Variants in NETO1 observed in about 807,000 individuals in gnomAD.
NETO1 encodes the protein neuropilin and tolloid like 1.
Under a neutral mutation model 61.3 loss-of-function variants are expected in NETO1, and 26 were observed. That is an observed-to-expected ratio of 0.42 (90% CI 0.31 to 0.59). The LOEUF (loss-of-function observed/expected upper bound fraction) is 0.59, where lower values mean the gene tolerates loss of function less well. Ranked by LOEUF, NETO1 falls within the 20% of genes least tolerant of loss-of-function variation. The probability of loss-of-function intolerance (pLI) is 0.12; values close to 1 mark genes in which losing one functional copy is unlikely to be tolerated. For synonymous variants in NETO1, 225 were observed against 225.8 expected (o/e 1.00, Z 0.03); for missense variants, 531 against 662.8 (o/e 0.80, Z 2.18).
At chr18:72,841,756 A>AAAAAAAAAAAAC (rs1568249501) in intron 4 of NETO1, among the ~76,000 whole-genome samples, 2 of 150,432 alleles carry the variant, frequency 1.3e-5, no homozygotes, top group Non-Finnish European at 1.5e-5. Context: ...AAAAAAAAAA[A>AAAAAAAAAAAAC]AGTCACTTTA....
chr18:72,808,227 T>C (rs1216385409), intron 4 of NETO1, among the ~76,000 whole-genome samples: 2 of 152,210 alleles, frequency 1.3e-5, no homozygotes, highest in East Asian at 1.9e-4. Flanking sequence ...AGGCAGGTGA[T>C]ATTAGACTGG....
Position 72,867,336 on chromosome 18 carries a change from T to C in NETO1, c.-45A>G. The C allele has an allele frequency of 6.5e-7, 1 of 1,534,490 alleles. No individual in the cohort carries two copies. Reference sequence around the variant, plus strand: ...GGCTCCGGGCTCCACTAATTCCATTTAGAGACGGGAAGACTTCCAGTGGCG... The same window carrying C: ...GGCTCCGGGCTCCACTAATTCCATTCAGAGACGGGAAGACTTCCAGTGGCG... On this transcript the variant is annotated 5_prime_UTR_variant, in exon 1 of 11. Coordinates refer to ENST00000327305, the MANE Select transcript of NETO1 (RefSeq NM_138966.5).
intron 4 of NETO1, among the ~76,000 whole-genome samples, chr18:72,795,194 T>A (rs1463003466): frequency 6.6e-6 from 1 of 152,176 alleles, no homozygotes; most frequent in African/African-American, 2.4e-5. Context: ...GTTCCTGGAA[T>A]TGATTTTGAG....
At position 72,867,776 on chromosome 18, in the gene NETO1, GGGCGGCGGCGGCGGCGCC is replaced by G. The variant is rs1464643739; in HGVS notation, c.-503_-486del. 115 of 157,338 alleles carry G rather than the reference GGGCGGCGGCGGCGGCGCC, an allele frequency of 7.3e-4. No individual in the cohort carries two copies. The highest frequency in any genetic ancestry group is 2.5e-3 in the African/African-American group (104 of 40,846). 9.7% of individuals were successfully genotyped at this position (157,338 alleles called of 1,614,324 possible). ...TCCAGACCGACGGCAGCGACGGAGC[GGGCGGCGGCGGCGGCGCC>G]GGCGGCGGCGGGGTGGCTCAGTCCC... On this transcript the variant is annotated 5_prime_UTR_variant, in exon 1 of 11. Transcript: ENST00000327305.
Position 72,859,046 on chromosome 18 carries a change from G to A in NETO1, c.249C>T (p.Tyr83=). ...EAAPRQCIEL[Y]FDEKYSIEPS... is the part of the protein sequence containing the mutation. ...GTTCAATAGAGTACTTTTCATCAAA[G>A]TAAAGTTCAATGCACTGTCTTGGAG... The change falls in exon 4 of 11, where the codon TAC becomes TAT. Residue 83 remains tyrosine (Y), a synonymous_variant. Transcript: ENST00000327305. The A allele has an allele frequency of 6.2e-7, 1 of 1,613,236 alleles. No homozygotes were observed.
At position 72,808,419 on chromosome 18, in the gene NETO1, T is replaced by TTGTGTGTGTGTGTGTGTGTGTG. The variant is rs368047239; in HGVS notation, c.470-14037_470-14016dup. On this transcript the variant is annotated intron_variant, in intron 4 of 10. Transcript: ENST00000327305. Reference sequence around the variant, plus strand: ...TGGAAGCAGTGGTGGCACTGCAGATTTGTGTGTGTGTGTGTGTGTGTGTGT... The same window carrying TTGTGTGTGTGTGTGTGTGTGTG: ...TGGAAGCAGTGGTGGCACTGCAGATTTGTGTGTGTGTGTGTGTGTGTGTGTGTGTGTGTGTGTGTGTGTGTGT... Among the ~76,000 whole-genome samples the TTGTGTGTGTGTGTGTGTGTGTG allele has an allele frequency of 6.3e-5, 9 of 141,834 alleles. No homozygotes were observed. The East Asian group carries it at 8.5e-4, about 13-fold the overall frequency. 93.0% of individuals were successfully genotyped at this position (141,834 alleles called of 152,430 possible). A position where few individuals can be genotyped will look rare whatever the true frequency, so the allele number is the denominator to read the frequency against.
chr18:72,804,888 T>G (rs891120728), intron 4 of NETO1, among the ~76,000 whole-genome samples: 1 of 152,218 alleles, frequency 6.6e-6, no homozygotes, highest in African/African-American at 2.4e-5. Flanking sequence ...ATCCTTAATA[T>G]TCTCCTTTTT....
At chr18:72,777,187 G>T (rs562873985) in intron 7 of NETO1, among the ~76,000 whole-genome samples, 4 of 152,192 alleles carry the variant, frequency 2.6e-5, no homozygotes, top group Non-Finnish European at 1.5e-5. Flanking sequence ...GGAGGCCGAG[G>T]CATGTGGATC....
chr18:72,818,359 A>C (rs928373762), intron 4 of NETO1, among the ~76,000 whole-genome samples: 5 of 152,208 alleles, frequency 3.3e-5, no homozygotes, highest in Non-Finnish European at 5.9e-5. Flanking sequence ...TATCACATAA[A>C]ACAGATTCTG....
At position 72,746,835 on chromosome 18, in the gene NETO1, AT is replaced by A. The variant is rs922635969; in HGVS notation, c.*1343del. 6.6e-6 allele frequency among the ~76,000 whole-genome samples: 1 copy of A among 152,052 alleles called. No homozygotes were observed. The highest frequency in any genetic ancestry group is 6.6e-5 in the Admixed American group (1 of 15,242). On this transcript the variant is annotated 3_prime_UTR_variant, in exon 11 of 11. Transcript: ENST00000327305. The stretch of plus-strand genomic sequence containing the variant: ...GATTACACATTGAATATTTTAAAAA[AT>A]AACCACTCACCAAATCAAACTTTAC...
intron 4 of NETO1, among the ~76,000 whole-genome samples, chr18:72,818,638 A>G (rs1356357114): frequency 6.6e-6 from 1 of 152,202 alleles, no homozygotes; most frequent in Admixed American, 6.5e-5. Flanking sequence ...CAAGCACGAG[A>G]CATTTTCATC....
chr18:72,798,273 C>A (rs115389986), intron 4 of NETO1, among the ~76,000 whole-genome samples: 1 of 152,090 alleles, frequency 6.6e-6, no homozygotes, highest in African/African-American at 2.4e-5. Flanking sequence ...AACCCTATTG[C>A]GAACTGTGCA....
intron 4 of NETO1, among the ~76,000 whole-genome samples, chr18:72,828,935 C>G (rs1038687989): frequency 4.0e-5 from 6 of 151,360 alleles, no homozygotes; most frequent in Admixed American, 4.0e-4. Context: ...AATAAGCAAA[C>G]ACTGGAGAAT....
At chr18:72,841,645 A>T (rs1228794024) in intron 4 of NETO1, among the ~76,000 whole-genome samples, 1 of 138,196 alleles carries the variant, frequency 7.2e-6, no homozygotes, top group East Asian at 2.3e-4. Flanking sequence ...GAGGCAAGAG[A>T]ATTGCTTGAG....
chr18:72,765,345 T>C (rs1017359688), intron 7 of NETO1, among the ~76,000 whole-genome samples: 2 of 152,192 alleles, frequency 1.3e-5, no homozygotes, highest in Non-Finnish European at 2.9e-5. Flanking sequence ...TCTTAAAAAG[T>C]CTGGCAACCA....
At chr18:72,859,924 A>T (rs559594147) in intron 3 of NETO1, among the ~76,000 whole-genome samples, 1 of 14,912 alleles carries the variant, frequency 6.7e-5, no homozygotes, top group African/African-American at 1.6e-4. Context: ...GTCATCGAAA[A>T]TTTCCAAAAA....
Position 72,750,321 on chromosome 18 carries a change from T to C in NETO1, c.1282A>G (p.Ile428Val). The C allele has an allele frequency of 6.2e-7, 1 of 1,613,954 alleles. No homozygotes were observed. The highest frequency in any genetic ancestry group is 2.2e-5 in the East Asian group (1 of 44,884). The change falls in exon 9 of 11, where the codon ATT (isoleucine) becomes GTT (valine). Residue 428 changes from isoleucine to valine, a missense_variant. Coordinates refer to ENST00000327305, the MANE Select transcript of NETO1 (RefSeq NM_138966.5). ...TGTGATCCACAGTGATGGTCATGAA[T>C]GCATTTGGAAGATGACCTCCGCAGT... The part of the protein sequence containing the change: ...HKLRRSSSKC[I>V]HDHHCGSQLS...
At chr18:72,791,516 C>T (rs1434650806) in intron 6 of NETO1, among the ~76,000 whole-genome samples, 1 of 152,196 alleles carries the variant, frequency 6.6e-6, no homozygotes, top group Non-Finnish European at 1.5e-5. Context: ...ACAATAGAGC[C>T]ATCTTTGTCC....
Position 72,867,637 on chromosome 18 carries a change from C to T in NETO1, c.-346G>A, listed in dbSNP as rs545698589. The T allele has an allele frequency of 5.0e-4, 87 of 172,460 alleles. No homozygotes were observed. Among genetic ancestry groups the T allele is most frequent in the African/African-American group, 2.0e-3 (84 of 42,150 alleles). 10.7% of individuals were successfully genotyped at this position (172,460 alleles called of 1,614,324 possible). On this transcript the variant is annotated 5_prime_UTR_variant, in exon 1 of 11. Coordinates refer to ENST00000327305, the MANE Select transcript of NETO1 (RefSeq NM_138966.5). ...GGACCCTCCTCCCGGGCATCGTCGC[C>T]GCCGCGGGGTCGGGAGGACGCGGCG...
Sources: gnomAD v4.1 joint callset for allele counts (sites outside exome capture counted in the v4.1 genomes callset) on GRCh38, gnomAD v4.1.1 for gene constraint, MANE v1.5 for transcripts, NCBI Gene and HGNC (gene_info 2026-07-23, HGNC 2026-07-21) for gene names.